The following DLGAP2 variants were observed in gnomAD, a reference collection of about 807,000 sequenced individuals.
DLGAP2 encodes the protein disks large-associated protein 2.
In DLGAP2, 26 loss-of-function variants were observed where a neutral mutation model predicts 100.3. The observed-to-expected ratio is 0.26, with a 90% CI of 0.19 to 0.36. The LOEUF (loss-of-function observed/expected upper bound fraction) is 0.36. DLGAP2 is among the 10% of genes least tolerant of loss of function. The probability of loss-of-function intolerance (pLI) is 1.00; values close to 1 mark genes in which losing one functional copy is unlikely to be tolerated. For missense variants in DLGAP2, 1,858 were observed against 1,453.2 expected (o/e 1.28, Z -4.53); for synonymous variants, 886 against 630.1 (o/e 1.41, Z -6.08).
At position 1,082,612 on chromosome 8, in the gene DLGAP2, A is replaced by G. The variant is rs557851266; in HGVS notation, c.73+174646A>G. Among the ~76,000 whole-genome samples the G allele has an allele frequency of 1.8e-4, 27 of 152,334 alleles. No individual in the cohort carries two copies. The South Asian group carries it at 5.4e-3, about 30-fold the overall frequency. On this transcript the variant is annotated intron_variant, in intron 2 of 14. Coordinates refer to ENST00000637795, the MANE Select transcript of DLGAP2 (RefSeq NM_001346810.2). The stretch of plus-strand genomic sequence containing the variant: ...ATGGTGGTGGCTCCACGCTGTGTCA[A>G]TCATCTGCCTCCATCCAGGGCTCCT...
chr8:1,332,216 G>A (rs1197887655), intron 3 of DLGAP2, among the ~76,000 whole-genome samples: 4 of 152,100 alleles, frequency 2.6e-5, no homozygotes, highest in African/African-American at 9.7e-5. Flanking sequence ...GCTTGTGATG[G>A]TTTGTGTGAG....
At chr8:1,575,926 A>C (rs1389735888) in intron 6 of DLGAP2, among the ~76,000 whole-genome samples, 2 of 152,114 alleles carry the variant, frequency 1.3e-5, no homozygotes, top group African/African-American at 4.8e-5. Context: ...TGTAATAAAC[A>C]TACATGTGCA....
At chr8:1,591,569 C>T (rs376567185) in intron 6 of DLGAP2, among the ~76,000 whole-genome samples, 1 of 152,164 alleles carries the variant, frequency 6.6e-6, no homozygotes, top group Non-Finnish European at 1.5e-5. Flanking sequence ...ACCCCTGCAG[C>T]CTATTTGTGG....
At position 1,669,748 on chromosome 8, in the gene DLGAP2, T is replaced by C. The variant is rs748255816; in HGVS notation, c.2166T>C (p.Ser722=). 2.6e-6 allele frequency: 2 copies of C among 780,940 alleles called. No individual in the cohort carries two copies. The highest frequency in any genetic ancestry group is 2.7e-5 in the South Asian group (2 of 74,630). 48.4% of individuals were successfully genotyped at this position (780,940 alleles called of 1,614,324 possible). The change falls in exon 10 of 15, where the codon TCT becomes TCC. Residue 722 remains serine (S), a synonymous_variant. Coordinates refer to ENST00000637795, the MANE Select transcript of DLGAP2 (RefSeq NM_001346810.2). ...SRCSSIGIQD[S]EFPEHQPYPR... Reference sequence around the variant, plus strand: ...GGCTTCATTGTTTTGTTTAGGATTCTGAATTCCCAGAGCATCAGCCATACC... The same window carrying C: ...GGCTTCATTGTTTTGTTTAGGATTCCGAATTCCCAGAGCATCAGCCATACC...
intron 6 of DLGAP2, among the ~76,000 whole-genome samples, chr8:1,577,567 C>CA (rs10646663): frequency 0.034 from 3,588 of 105,494 alleles, 162 homozygotes; most frequent in African/African-American, 0.089. Context: ...CACTCTCTCT[C>CA]AAAAAAAAAA....
intron 1 of DLGAP2, among the ~76,000 whole-genome samples, chr8:889,563 C>G (rs898925020): frequency 6.6e-6 from 1 of 152,214 alleles, no homozygotes; most frequent in Non-Finnish European, 1.5e-5. Flanking sequence ...GAAGAGCACT[C>G]TGGACACAGA....
chr8:1,444,337 T>C (rs1301945663), intron 3 of DLGAP2, among the ~76,000 whole-genome samples: 1 of 152,224 alleles, frequency 6.6e-6, no homozygotes, highest in African/African-American at 2.4e-5. Flanking sequence ...TATTAGAGTT[T>C]TTAACTGTTA....
At chr8:1,310,286 A>G (rs1186218354) in intron 3 of DLGAP2, among the ~76,000 whole-genome samples, 1 of 152,252 alleles carries the variant, frequency 6.6e-6, no homozygotes. Flanking sequence ...CTATTTATAT[A>G]TTGACAGAAG....
intron 3 of DLGAP2, among the ~76,000 whole-genome samples, chr8:1,316,441 C>G (rs1800751674): frequency 7.5e-6 from 1 of 133,020 alleles, no homozygotes; most frequent in African/African-American, 2.8e-5. Context: ...CAACAGTGGT[C>G]TACACTCGAG....
intron 12 of DLGAP2, among the ~76,000 whole-genome samples, chr8:1,690,310 G>A (rs1469074564): frequency 6.6e-6 from 1 of 150,678 alleles, no homozygotes; most frequent in Non-Finnish European, 1.5e-5. Flanking sequence ...GAGCCAAGAT[G>A]ACGCCACTGC....
chr8:1,518,625 G>C (rs1039362461), intron 4 of DLGAP2, among the ~76,000 whole-genome samples: 1 of 152,148 alleles, frequency 6.6e-6, no homozygotes, highest in Non-Finnish European at 1.5e-5. Context: ...TATGTTCCTA[G>C]TAGACTTGAG....
chr8:957,162 GGA>G (rs1237551095), intron 2 of DLGAP2, among the ~76,000 whole-genome samples: 1 of 152,240 alleles, frequency 6.6e-6, no homozygotes, highest in African/African-American at 2.4e-5. Context: ...AGCTGGCTTC[GGA>G]GAGAGTCCTG....
chr8:1,166,495 C>T (rs1797018701), intron 2 of DLGAP2, among the ~76,000 whole-genome samples: 1 of 152,194 alleles, frequency 6.6e-6, no homozygotes, highest in Non-Finnish European at 1.5e-5. Flanking sequence ...TGATTTTTCT[C>T]CTCCTTTTCA....
chr8:1,170,392 C>G (rs1162898545), intron 2 of DLGAP2, among the ~76,000 whole-genome samples: 1 of 152,050 alleles, frequency 6.6e-6, no homozygotes, highest in African/African-American at 2.4e-5. Context: ...ATGATGCTGG[C>G]CTCATAAAAT....
intron 4 of DLGAP2, among the ~76,000 whole-genome samples, chr8:1,535,793 GC>G (rs1801136641): frequency 6.6e-6 from 1 of 152,182 alleles, no homozygotes; most frequent in Admixed American, 6.5e-5. Context: ...ATCGATGTGT[GC>G]CAGAGACTTG....
chr8:1,537,590 C>T (rs1801195802), intron 4 of DLGAP2, among the ~76,000 whole-genome samples: 1 of 152,156 alleles, frequency 6.6e-6, no homozygotes, highest in South Asian at 2.1e-4. Flanking sequence ...CCAGATCTTG[C>T]TTCCGTAGGA....
At chr8:1,060,057 G>T (rs1269655763) in intron 2 of DLGAP2, among the ~76,000 whole-genome samples, 1 of 152,188 alleles carries the variant, frequency 6.6e-6, no homozygotes, top group Non-Finnish European at 1.5e-5. Context: ...CAGGACCTGA[G>T]TCTGGGGCTT....
intron 3 of DLGAP2, among the ~76,000 whole-genome samples, chr8:1,481,189 T>A (rs866209986): frequency 3.5e-4 from 53 of 151,742 alleles, no homozygotes; most frequent in African/African-American, 7.5e-4. Flanking sequence ...AAAAAAAAAA[T>A]TTTAAAAACC....
intron 2 of DLGAP2, among the ~76,000 whole-genome samples, chr8:1,221,652 G>C (rs921801955): frequency 3.3e-5 from 5 of 152,170 alleles, no homozygotes; most frequent in Non-Finnish European, 5.9e-5. Flanking sequence ...CTCTGGCAAT[G>C]TTGAGGAAAT....
Sources: gnomAD v4.1 joint callset for allele counts (sites outside exome capture counted in the v4.1 genomes callset) on GRCh38, gnomAD v4.1.1 for gene constraint, MANE v1.5 for transcripts, NCBI Gene and HGNC (gene_info 2026-07-23, HGNC 2026-07-21) for gene names.